The following EIF5B variants were observed in gnomAD, a reference collection of about 807,000 sequenced individuals.
EIF5B encodes the protein eIF-5B.
EIF5B carries 47 observed loss-of-function variants against 147.5 expected under a neutral mutation model. That is an observed-to-expected ratio of 0.32 (90% CI 0.25 to 0.41). The LOEUF is 0.41. Among genes scored for constraint, EIF5B ranks in the 10% least tolerant of loss-of-function variants. The pLI is 1.00. For synonymous variants in EIF5B, 455 were observed against 456.2 expected (o/e 1.00, Z 0.03); for missense variants, 1,064 against 1,413.2 (o/e 0.75, Z 3.96).
At chr2:99,352,204 A>C (rs1289381003) in intron 1 of EIF5B, among the ~76,000 whole-genome samples, 1 of 150,624 alleles carries the variant, frequency 6.6e-6, no homozygotes, top group South Asian at 2.1e-4. Flanking sequence ...TCTTTTCTTC[A>C]TTTTTTTTGA....
chr2:99,353,693 C>T (rs1425876059), intron 1 of EIF5B, among the ~76,000 whole-genome samples: 1 of 152,236 alleles, frequency 6.6e-6, no homozygotes, highest in Non-Finnish European at 1.5e-5. Context: ...ACCTCCCCAA[C>T]CCCTCACCTG....
At chr2:99,348,484 GA>G (rs1353898517) in intron 1 of EIF5B, among the ~76,000 whole-genome samples, 1 of 152,180 alleles carries the variant, frequency 6.6e-6, no homozygotes, top group Non-Finnish European at 1.5e-5. Context: ...GATGATCAAA[GA>G]TGTTCTGGGT....
In EIF5B at chr2:99,379,439, T is replaced by A; in HGVS notation, c.2061+11T>A. On this transcript the variant is annotated intron_variant, in intron 12 of 23. Coordinates refer to ENST00000289371, the MANE Select transcript of EIF5B (RefSeq NM_015904.4). Reference sequence around the variant, plus strand: ...AAGATGATTAAAAATGTAAGTACATTGTATTTCATGTATTTTAATCTCTGA... The same window carrying A: ...AAGATGATTAAAAATGTAAGTACATAGTATTTCATGTATTTTAATCTCTGA... 1 of 1,570,056 alleles carries A rather than the reference T, an allele frequency of 6.4e-7. No individual in the cohort carries two copies. Among genetic ancestry groups the A allele is most frequent in the Non-Finnish European group, 8.7e-7 (1 of 1,149,272 alleles).
In EIF5B at chr2:99,356,227, G is replaced by A. The variant is rs140846472; in HGVS notation, c.36-4009G>A. ...CAGATTTCATTATATCACTGATGTC[G>A]ATGTTGATCACTTGGCTGAGGCTGT... On this transcript the variant is annotated intron_variant, in intron 1 of 23. Transcript: ENST00000289371. 2.9e-3 allele frequency among the ~76,000 whole-genome samples: 442 copies of A among 152,198 alleles called. 3 individuals carry two copies. Among genetic ancestry groups the A allele is most frequent in the African/African-American group, 0.01 (428 of 41,518 alleles).
chr2:99,341,992 A>G (rs2094260622), intron 1 of EIF5B, among the ~76,000 whole-genome samples: 1 of 152,208 alleles, frequency 6.6e-6, no homozygotes, highest in Non-Finnish European at 1.5e-5. Flanking sequence ...TTTTGAAAAT[A>G]GTTTTGACCC....
chr2:99,397,737 C>G (rs564359635), intron 22 of EIF5B: 1 of 152,310 alleles, frequency 6.6e-6, no homozygotes, highest in South Asian at 2.1e-4. Flanking sequence ...TGTAATCTGT[C>G]TGGTACCTGG....
intron 5 of EIF5B, 137 bp from the exon 6 acceptor site, chr2:99,364,134 T>C: frequency 8.0e-7 from 1 of 1,251,058 alleles, no homozygotes; most frequent in Non-Finnish European, 1.1e-6. Flanking sequence ...ACATTTAAAA[T>C]ACTTTGATTT....
rs777971490 is a variant in EIF5B at position 99,361,394 on chromosome 2, G to C, written c.493G>C (p.Glu165Gln). Residue 165 changes from glutamate (E) to glutamine (Q), a missense_variant, in exon 4 of 24, where the codon GAG becomes CAG. By Grantham distance (29) the Glu-to-Gln change is conservative. Coordinates refer to ENST00000289371, the MANE Select transcript of EIF5B (RefSeq NM_015904.4). ...QKSNKKWDGSEEDEDNSKKIK... is the reference protein window; with the variant it reads ...QKSNKKWDGSQEDEDNSKKIK... The stretch of plus-strand genomic sequence containing the variant: ...ATCAAATAAGAAGTGGGATGGGTCA[G>C]AGGAGGATGAGGATAACAGTAAAAA... 23 of 1,613,866 alleles carry C rather than the reference G, an allele frequency of 1.4e-5. No homozygotes were observed. Among genetic ancestry groups the C allele is most frequent in the Non-Finnish European group, 1.9e-5 (23 of 1,179,992 alleles).
At chr2:99,348,884 G>C (rs1178715902) in intron 1 of EIF5B, among the ~76,000 whole-genome samples, 3 of 152,202 alleles carry the variant, frequency 2.0e-5, no homozygotes, top group African/African-American at 7.2e-5. Flanking sequence ...AAATATGGGG[G>C]TGCTTCGGTT....
chr2:99,401,100 TGA>T lies in EIF5B; in HGVS notation c.*1687_*1688del, dbSNP rs1675328300. ...CAATACTGACAAATTTGGCACTTTT[TGA>T]AAAGAAATGTACAAAACACTTGCTT... is the stretch of plus-strand genomic sequence containing the variant. On this transcript the variant is annotated 3_prime_UTR_variant, in exon 24 of 24. Coordinates refer to ENST00000289371, the MANE Select transcript of EIF5B (RefSeq NM_015904.4). 1 of 501,934 alleles carries T rather than the reference TGA, an allele frequency of 2.0e-6. No homozygotes were observed. The highest frequency in any genetic ancestry group is 3.7e-5 in the South Asian group (1 of 27,082). 31.1% of individuals were successfully genotyped at this position (501,934 alleles called of 1,614,324 possible). A position where few individuals can be genotyped will look rare whatever the true frequency, so the allele number is the denominator to read the frequency against.
In EIF5B at chr2:99,398,761, G is replaced by A. The variant is rs777408496; in HGVS notation, c.3407G>A (p.Gly1136Glu). The A allele has an allele frequency of 6.2e-7, 1 of 1,610,964 alleles. No individual in the cohort carries two copies. The highest frequency in any genetic ancestry group is 8.5e-7 in the Non-Finnish European group (1 of 1,178,998). ...CTTATTTTATAGTTTGTTGACATCG[G>A]AATAGTAACAAGTATTGAAATAAAC... ...CVPSKNFVDI[G>E]IVTSIEINHK... Residue 1136 changes from glycine (G) to glutamate (E), a missense_variant, in exon 23 of 24, where the codon GGA becomes GAA. Coordinates refer to ENST00000289371, the MANE Select transcript of EIF5B (RefSeq NM_015904.4).
rs1008453549 is a variant in EIF5B, at chr2:99,400,964, T to C, written c.*1550T>C. 4.7e-6 allele frequency: 1 copy of C among 210,962 alleles called. No individual in the cohort carries two copies. The highest frequency in any genetic ancestry group is 9.6e-6 in the Non-Finnish European group (1 of 104,414). The allele number at this position is 210,962 out of a possible 1,614,324, so 13.1% of individuals were successfully genotyped here. ...TGTACAAAATATACATACAGTTCTT[T>C]ATTAAACAACTGTAAACACTTCACT... On this transcript the variant is annotated 3_prime_UTR_variant, in exon 24 of 24. Coordinates refer to ENST00000289371, the MANE Select transcript of EIF5B (RefSeq NM_015904.4).
intron 1 of EIF5B, among the ~76,000 whole-genome samples, chr2:99,354,603 T>C (rs540922857): frequency 6.6e-6 from 1 of 152,272 alleles, no homozygotes; most frequent in South Asian, 2.1e-4. Flanking sequence ...ATCTGAAAGA[T>C]ATTTTACTCT....
intron 14 of EIF5B, among the ~76,000 whole-genome samples, chr2:99,385,105 G>C (rs577207497): frequency 6.6e-6 from 1 of 152,106 alleles, no homozygotes; most frequent in South Asian, 2.1e-4. Context: ...GGAGTGCAGT[G>C]CTGCAATCTC....
At chr2:99,372,462 C>T (rs1402460491) in intron 9 of EIF5B, among the ~76,000 whole-genome samples, 2 of 152,200 alleles carry the variant, frequency 1.3e-5, no homozygotes, top group African/African-American at 4.8e-5. Context: ...CCTCAGCCTC[C>T]AGAGTAGCTG....
Position 99,399,405 on chromosome 2 carries a change from A to T in EIF5B, c.3654A>T (p.Glu1218Asp). The change falls in exon 24 of 24, where the codon GAA becomes GAT. Residue 1218 changes from glutamate to aspartate, a missense_variant. Glu to Asp is a conservative substitution (Grantham distance 45, BLOSUM62 2). Transcript: ENST00000289371. Reference sequence around the variant, plus strand: ...TTGTGGAGCTGAAGAAAGTATTTGAAATCATCTAATTTTTTCACATGGAGC... The same window carrying T: ...TTGTGGAGCTGAAGAAAGTATTTGATATCATCTAATTTTTTCACATGGAGC... ...QLIVELKKVF[E>D]II is the part of the protein sequence containing the mutation. The T allele has an allele frequency of 1.9e-6, 3 of 1,614,036 alleles. No individual in the cohort carries two copies. Among genetic ancestry groups the T allele is most frequent in the Non-Finnish European group, 2.5e-6 (3 of 1,179,964 alleles).
At chr2:99,393,406 T>C (rs1674976128) in intron 18 of EIF5B, among the ~76,000 whole-genome samples, 1 of 152,040 alleles carries the variant, frequency 6.6e-6, no homozygotes, top group Non-Finnish European at 1.5e-5. Flanking sequence ...CTTGGGAGGC[T>C]GAGGCAGGAG....
intron 1 of EIF5B, among the ~76,000 whole-genome samples, chr2:99,348,785 G>T (rs567160983): frequency 6.6e-6 from 1 of 152,152 alleles, no homozygotes; most frequent in African/African-American, 2.4e-5. Context: ...GGATGGGGAC[G>T]GAGGAAGGAG....
chr2:99,346,655 C>G (rs2094274040), intron 1 of EIF5B, among the ~76,000 whole-genome samples: 1 of 131,806 alleles, frequency 7.6e-6, no homozygotes, highest in African/African-American at 2.8e-5. Context: ...ACTGCAAGCT[C>G]CACCTCCCGG....
Sources: gnomAD v4.1 joint callset for allele counts (sites outside exome capture counted in the v4.1 genomes callset) on GRCh38, gnomAD v4.1.1 for gene constraint, MANE v1.5 for transcripts, NCBI Gene and HGNC (gene_info 2026-07-23, HGNC 2026-07-21) for gene names.